APLP2: variants seen among roughly 807,000 people sequenced by gnomAD.
APLP2 encodes the protein CDEI box-binding protein.
APLP2 carries 53 observed loss-of-function variants against 89.9 expected under a neutral mutation model. The ratio of observed to expected loss-of-function variants is 0.59; its 90% confidence interval spans 0.47 to 0.74. The LOEUF (loss-of-function observed/expected upper bound fraction) is 0.74. Among genes scored for constraint, APLP2 ranks in the 30% least tolerant of loss-of-function variants. APLP2 has a pLI of 0.00. For missense variants in APLP2, 973 were observed against 975.9 expected (o/e 1.00, Z 0.04); for synonymous variants, 372 against 348.6 (o/e 1.07, Z -0.75).
intron 16 of APLP2, among the ~76,000 whole-genome samples, chr11:130,142,490 C>G (rs973744962): frequency 6.6e-6 from 1 of 152,094 alleles, no homozygotes; most frequent in Non-Finnish European, 1.5e-5. Flanking sequence ...CCACTCACTC[C>G]TTAGTGAACA....
At chr11:130,070,815 TG>T in intron 1 of APLP2, 2 of 1,256,106 alleles carry the variant, frequency 1.6e-6, no homozygotes, top group South Asian at 2.4e-5. Flanking sequence ...TGTAAACTGT[TG>T]GAAAAATCGT....
chr11:130,122,408 T>TACTACTATGA lies in APLP2; in HGVS notation c.818_827dup (p.Asp276GlufsTer4). On this transcript the variant is annotated frameshift_variant, in exon 6 of 17. Coordinates refer to ENST00000338167, the MANE Select transcript of APLP2 (RefSeq NM_001142276.2). LOFTEE classifies it high-confidence loss of function. ...GGAGGAAGTGGTGGAGGACCGAGAT[T>TACTACTATGA]ACTACTATGACACCTTCAAAGGAGA... The TACTACTATGA allele has an allele frequency of 6.2e-7, 1 of 1,614,180 alleles. No individual in the cohort carries two copies. The highest frequency in any genetic ancestry group is 8.5e-7 in the Non-Finnish European group (1 of 1,180,028).
intron 1 of APLP2, among the ~76,000 whole-genome samples, chr11:130,098,647 G>A (rs1162698655): frequency 6.6e-6 from 1 of 152,144 alleles, no homozygotes; most frequent in Admixed American, 6.5e-5. Flanking sequence ...GAAATAGTTG[G>A]TCAGAAAAAT....
At chr11:130,138,017 T>G (rs1951838025) in intron 13 of APLP2, among the ~76,000 whole-genome samples, 1 of 152,212 alleles carries the variant, frequency 6.6e-6, no homozygotes. Flanking sequence ...CGTGACTTGC[T>G]CTAAGAAGTG....
intron 3 of APLP2, among the ~76,000 whole-genome samples, chr11:130,116,224 A>G (rs1194204138): frequency 6.6e-6 from 1 of 152,196 alleles, no homozygotes; most frequent in Non-Finnish European, 1.5e-5. Context: ...AGAAGGGGTT[A>G]GAGATACGCA....
intron 1 of APLP2, among the ~76,000 whole-genome samples, chr11:130,095,531 T>TA (rs1480773734): frequency 2.0e-5 from 3 of 152,276 alleles, no homozygotes; most frequent in African/African-American, 7.2e-5. Context: ...AATGTGGAGA[T>TA]AAAGAGCAGG....
chr11:130,102,308 C>G (rs1565570605), intron 1 of APLP2, among the ~76,000 whole-genome samples: 2 of 152,028 alleles, frequency 1.3e-5, no homozygotes, highest in Admixed American at 1.3e-4. Context: ...TCGTACCTTT[C>G]GCTATCAGTA....
At chr11:130,119,873 A>G (rs1949623310) in intron 3 of APLP2, among the ~76,000 whole-genome samples, 1 of 152,230 alleles carries the variant, frequency 6.6e-6, no homozygotes. Context: ...AAATTTTCCT[A>G]AGTGTCCAAC....
At chr11:130,143,185 C>G (rs187655920) in intron 16 of APLP2, among the ~76,000 whole-genome samples, 162 bp from the exon 17 acceptor site, 174 of 152,316 alleles carry the variant, frequency 1.1e-3, no homozygotes, top group African/African-American at 3.8e-3. Flanking sequence ...TTTCTTTCTC[C>G]TGTGTTTCAC....
At chr11:130,106,390 C>T (rs879900359) in intron 1 of APLP2, among the ~76,000 whole-genome samples, 1 of 152,218 alleles carries the variant, frequency 6.6e-6, no homozygotes, top group African/African-American at 2.4e-5. Flanking sequence ...CCTCCAGTGT[C>T]CTGAATGATT....
At position 130,126,685 on chromosome 11, in the gene APLP2, G is replaced by A; in HGVS notation, c.1091-15G>A. ...TCTGATCCCAAAGAGAACTCCCTCTGTAATTTTGTTTCAGTTCCTCCAACT... is the reference window on the plus strand; with the variant it reads ...TCTGATCCCAAAGAGAACTCCCTCTATAATTTTGTTTCAGTTCCTCCAACT... On this transcript the variant is annotated splice_polypyrimidine_tract_variant and intron_variant, in intron 7 of 16. Coordinates refer to ENST00000338167, the MANE Select transcript of APLP2 (RefSeq NM_001142276.2). 6.2e-7 allele frequency: 1 copy of A among 1,613,242 alleles called. No individual in the cohort carries two copies. Among genetic ancestry groups the A allele is most frequent in the Non-Finnish European group, 8.5e-7 (1 of 1,179,222 alleles).
chr11:130,124,123 A>G (rs1024646693), intron 7 of APLP2, among the ~76,000 whole-genome samples: 1 of 152,122 alleles, frequency 6.6e-6, no homozygotes, highest in Non-Finnish European at 1.5e-5. Context: ...TTGGTGGGGA[A>G]GGCAGCTGTC....
chr11:130,133,474 A>C (rs1428534378), intron 11 of APLP2, among the ~76,000 whole-genome samples, 155 bp from the exon 12 acceptor site: 1 of 152,190 alleles, frequency 6.6e-6, no homozygotes, highest in African/African-American at 2.4e-5. Flanking sequence ...GAGGATTAAT[A>C]CATTTCCCCT....
chr11:130,081,156 T>C (rs918672677), intron 1 of APLP2, among the ~76,000 whole-genome samples: 25 of 152,110 alleles, frequency 1.6e-4, no homozygotes, highest in African/African-American at 5.8e-4. Context: ...ATAACCCGTT[T>C]TTTCCTTCAT....
In APLP2 at chr11:130,140,417, G is replaced by A; in HGVS notation, c.1857G>A (p.Gln619=). ...PENEGSGVGE[Q]DGGLIGAEEK... ...ACACAGGATCTGGAGTGGGAGAGCA[G>A]GATGGGGGACTGATCGGTGCCGAAG... The change falls in exon 14 of 17, where the codon CAG becomes CAA. Residue 619 remains glutamine, a synonymous_variant. Transcript: ENST00000338167. 6.2e-7 allele frequency: 1 copy of A among 1,610,272 alleles called. No homozygotes were observed. Among genetic ancestry groups the A allele is most frequent in the African/African-American group, 1.3e-5 (1 of 74,830 alleles).
At chr11:130,142,568 A>G (rs928396856) in intron 16 of APLP2, among the ~76,000 whole-genome samples, 3 of 152,044 alleles carry the variant, frequency 2.0e-5, no homozygotes, top group African/African-American at 7.2e-5. Context: ...AGCCCTGGGA[A>G]ATTAGTGCAG....
intron 8 of APLP2, among the ~76,000 whole-genome samples, chr11:130,127,240 A>T (rs1212029904): frequency 6.6e-6 from 1 of 152,202 alleles, no homozygotes; most frequent in Non-Finnish European, 1.5e-5. Context: ...CTAGCTAGAT[A>T]CTGCTGTCTC....
chr11:130,087,217 C>G (rs1944244765), intron 1 of APLP2, among the ~76,000 whole-genome samples: 1 of 152,144 alleles, frequency 6.6e-6, no homozygotes, highest in Non-Finnish European at 1.5e-5. Flanking sequence ...CATCAGCGTC[C>G]TCACTGTGAT....
chr11:130,091,102 ACCTC>A, intron 1 of APLP2, among the ~76,000 whole-genome samples: 1 of 124,596 alleles, frequency 8.0e-6, no homozygotes, highest in Non-Finnish European at 1.6e-5. Context: ...TGACCCCCCC[ACCTC>A]CCTCCCGGAC....
Sources: allele counts gnomAD v4.1 joint callset (sites outside exome capture counted in the v4.1 genomes callset), GRCh38; gene constraint gnomAD v4.1.1; transcripts MANE v1.5; gene names NCBI Gene and HGNC (gene_info 2026-07-23, HGNC 2026-07-21).